PREX2: variants seen among roughly 807,000 people sequenced by gnomAD.
The protein encoded by PREX2 is phosphatidylinositol 3,4,5-trisphosphate-dependent Rac exchanger 2 protein.
Under a neutral mutation model 203.2 loss-of-function variants are expected in PREX2, and 107 were observed. The observed-to-expected ratio is 0.53, with a 90% CI of 0.45 to 0.62. The LOEUF (loss-of-function observed/expected upper bound fraction) is 0.62, where lower values mean the gene tolerates loss of function less well. Among genes scored for constraint, PREX2 ranks in the 20% least tolerant of loss-of-function variants. PREX2 has a pLI of 0.00. For missense variants in PREX2, 1,777 were observed against 1,955.9 expected (o/e 0.91, Z 1.72); for synonymous variants, 672 against 663.6 (o/e 1.01, Z -0.19).
chr8:68,090,126 G>A (rs1809824660), intron 19 of PREX2, among the ~76,000 whole-genome samples: 1 of 152,072 alleles, frequency 6.6e-6, no homozygotes, highest in Non-Finnish European at 1.5e-5. Flanking sequence ...TTCTCTTAAG[G>A]ATTTTCTTTT....
chr8:68,181,200 C>G (rs1386234105), intron 35 of PREX2, among the ~76,000 whole-genome samples: 1 of 152,148 alleles, frequency 6.6e-6, no homozygotes, highest in Non-Finnish European at 1.5e-5. Flanking sequence ...CCTTAAGATT[C>G]ACCTTTGATC....
intron 1 of PREX2, among the ~76,000 whole-genome samples, chr8:67,991,508 T>C (rs989708842): frequency 6.6e-6 from 1 of 152,122 alleles, no homozygotes; most frequent in Admixed American, 6.6e-5. Flanking sequence ...ACACCTTCTT[T>C]ACAAGGTGGG....
At chr8:68,067,988 T>C (rs1335712690) in intron 11 of PREX2, among the ~76,000 whole-genome samples, 1 of 152,078 alleles carries the variant, frequency 6.6e-6, no homozygotes, top group Non-Finnish European at 1.5e-5. Flanking sequence ...TTTTGTCTTT[T>C]ATTCTGTTAA....
chr8:68,119,456 G>T lies in PREX2; in HGVS notation c.3446G>T (p.Arg1149Leu), dbSNP rs748595305. Residue 1149 changes from arginine to leucine, a missense_variant, in exon 28 of 40, where the codon CGC becomes CTC. Arg to Leu is a moderately radical substitution (Grantham distance 102). Coordinates refer to ENST00000288368, the MANE Select transcript of PREX2 (RefSeq NM_024870.4). ...GGTGATGAACTTCCCTTAAGTGTTC[G>T]CATATCTCATGATAAACAGGACAAG... ...DSGDELPLSV[R>L]ISHDKQDKIH... 2 of 1,613,140 alleles carry T rather than the reference G, an allele frequency of 1.2e-6. No individual in the cohort carries two copies. Among genetic ancestry groups the T allele is most frequent in the African/African-American group, 1.3e-5 (1 of 74,876 alleles).
chr8:67,972,756 C>T (rs1048050651), intron 1 of PREX2, among the ~76,000 whole-genome samples: 1 of 152,138 alleles, frequency 6.6e-6, no homozygotes, highest in African/African-American at 2.4e-5. Context: ...TAATCCCTTC[C>T]AGTAAGCTTA....
chr8:68,231,451 C>T lies in PREX2; in HGVS notation c.*73C>T. ...CTAGACAAACTACATGCTGGCTAAA[C>T]ATTCTCCACTGAAGATACATCAATG... On this transcript the variant is annotated 3_prime_UTR_variant, in exon 40 of 40. Coordinates refer to ENST00000288368, the MANE Select transcript of PREX2 (RefSeq NM_024870.4). The T allele has an allele frequency of 5.9e-6, 6 of 1,009,288 alleles. No homozygotes were observed. The South Asian group carries it at 6.6e-5, about 11-fold the overall frequency. The allele number at this position is 1,009,288 out of a possible 1,614,324, so 62.5% of individuals were successfully genotyped here.
In PREX2 at chr8:68,134,232, G is replaced by A; in HGVS notation, c.3940G>A (p.Ala1314Thr). The change falls in exon 32 of 40, where the codon GCA becomes ACA. Residue 1314 changes from alanine (A) to threonine (T), a missense_variant. Coordinates refer to ENST00000288368, the MANE Select transcript of PREX2 (RefSeq NM_024870.4). The stretch of plus-strand genomic sequence containing the variant: ...GAGGTGGCTGGACCAGATAGCGAAT[G>A]CAGGTGTTCTTTTTCACTTTCAGTC... ...SRRWLDQIAN[A>T]GVLFHFQSLL... 1 of 1,614,100 alleles carries A rather than the reference G, an allele frequency of 6.2e-7. No individual in the cohort carries two copies.
intron 39 of PREX2, among the ~76,000 whole-genome samples, chr8:68,228,971 A>AAAAAAAAT (rs59373657): frequency 8.5e-6 from 1 of 117,276 alleles, no homozygotes. Flanking sequence ...AAAAAAAGAA[A>AAAAAAAAT]GAAAAAAATG....
At chr8:68,016,298 C>A (rs1230900702) in intron 1 of PREX2, among the ~76,000 whole-genome samples, 1 of 151,944 alleles carries the variant, frequency 6.6e-6, no homozygotes, top group African/African-American at 2.4e-5. Context: ...TATGCATCTG[C>A]ATATATGTAT....
intron 35 of PREX2, among the ~76,000 whole-genome samples, chr8:68,171,285 A>G (rs1811870784): frequency 6.6e-6 from 1 of 152,190 alleles, no homozygotes; most frequent in Non-Finnish European, 1.5e-5. Flanking sequence ...TAAAAGCCAA[A>G]TATATTTTAT....
intron 26 of PREX2, among the ~76,000 whole-genome samples, chr8:68,118,276 A>G (rs1480664377): frequency 6.6e-6 from 1 of 150,850 alleles, no homozygotes; most frequent in Non-Finnish European, 1.5e-5. Context: ...AATGGCGTGA[A>G]CCCTGCAGGC....
chr8:68,047,941 A>G (rs1808419421), intron 8 of PREX2, among the ~76,000 whole-genome samples: 1 of 152,064 alleles, frequency 6.6e-6, no homozygotes, highest in African/African-American at 2.4e-5. Context: ...AATTTTATTC[A>G]TAATACTTAA....
chr8:68,226,471 G>A (rs1281668356), intron 39 of PREX2, among the ~76,000 whole-genome samples: 1 of 152,144 alleles, frequency 6.6e-6, no homozygotes, highest in African/African-American at 2.4e-5. Flanking sequence ...GGCAGTCAAG[G>A]TAAGGCCATC....
At chr8:68,023,666 TG>T (rs1253273648) in intron 4 of PREX2, among the ~76,000 whole-genome samples, 3 of 152,152 alleles carry the variant, frequency 2.0e-5, no homozygotes, top group African/African-American at 7.2e-5. Context: ...CGTGTTTTTT[TG>T]GTCATATATA....
At chr8:67,993,782 C>T (rs1806680248) in intron 1 of PREX2, among the ~76,000 whole-genome samples, 1 of 152,092 alleles carries the variant, frequency 6.6e-6, no homozygotes, top group Non-Finnish European at 1.5e-5. Context: ...GAATACCCAC[C>T]ACATATACAT....
chr8:68,167,204 T>C (rs1396817715), intron 35 of PREX2, among the ~76,000 whole-genome samples: 9 of 152,206 alleles, frequency 5.9e-5, no homozygotes, highest in Non-Finnish European at 1.3e-4. Flanking sequence ...GCTTTAGTGA[T>C]GTCTTATTCC....
At chr8:68,028,171 C>T (rs1012980920) in intron 5 of PREX2, among the ~76,000 whole-genome samples, 1 of 151,620 alleles carries the variant, frequency 6.6e-6, no homozygotes, top group African/African-American at 2.4e-5. Context: ...GAATTTATAG[C>T]ACAGACCTAT....
chr8:68,151,830 C>T (rs893026517), intron 34 of PREX2, among the ~76,000 whole-genome samples: 2 of 150,978 alleles, frequency 1.3e-5, no homozygotes, highest in Non-Finnish European at 2.9e-5. Flanking sequence ...TAAGTCTTAC[C>T]TCTTGACAAG....
At chr8:68,127,761 C>A (rs1471501410) in intron 31 of PREX2, among the ~76,000 whole-genome samples, 2 of 151,946 alleles carry the variant, frequency 1.3e-5, no homozygotes, top group East Asian at 3.9e-4. Flanking sequence ...TGTTTATGAG[C>A]AAGAATGAAT....
Sources: gnomAD v4.1 joint callset for allele counts (sites outside exome capture counted in the v4.1 genomes callset) on GRCh38, gnomAD v4.1.1 for gene constraint, MANE v1.5 for transcripts, NCBI Gene and HGNC (gene_info 2026-07-23, HGNC 2026-07-21) for gene names.